Variants in SVEP1 observed in about 807,000 individuals in gnomAD.
SVEP1 encodes sushi, von Willebrand factor type A, EGF and pentraxin domain containing 1.
Under a neutral mutation model 367.3 loss-of-function variants are expected in SVEP1, and 164 were observed. That is an observed-to-expected ratio of 0.45 (90% CI 0.39 to 0.51). The LOEUF (loss-of-function observed/expected upper bound fraction) is 0.51. Among genes scored for constraint, SVEP1 ranks in the 20% least tolerant of loss-of-function variants. The pLI is 0.00. For missense variants in SVEP1, 4,117 were observed against 4,425.3 expected (o/e 0.93, Z 1.98); for synonymous variants, 1,666 against 1,611.6 (o/e 1.03, Z -0.81).
At chr9:110,443,417 G>C in intron 27 of SVEP1, 128 bp downstream of exon 27, 1 of 868,240 alleles carries the variant, frequency 1.2e-6, no homozygotes, top group East Asian at 3.2e-5. Context: ...CAGGGAGTAG[G>C]AAATAAGAGA....
At chr9:110,555,674 T>C (rs1830347653) in intron 1 of SVEP1, among the ~76,000 whole-genome samples, 1 of 152,158 alleles carries the variant, frequency 6.6e-6, no homozygotes, top group South Asian at 2.1e-4. Flanking sequence ...ATTACATCTG[T>C]TGGCAAGACA....
At chr9:110,492,465 T>C (rs1266172749) in intron 8 of SVEP1, among the ~76,000 whole-genome samples, 1 of 152,034 alleles carries the variant, frequency 6.6e-6, no homozygotes, top group African/African-American at 2.4e-5. Context: ...CCACAGATAA[T>C]TGGGTAATGA....
At chr9:110,492,138 G>T (rs1439847895) in intron 8 of SVEP1, among the ~76,000 whole-genome samples, 1 of 152,078 alleles carries the variant, frequency 6.6e-6, no homozygotes, top group Non-Finnish European at 1.5e-5. Flanking sequence ...TTTTCTGAAA[G>T]AATGGATTTT....
At position 110,573,138 on chromosome 9, in the gene SVEP1, C is replaced by T. The variant is rs560986626; in HGVS notation, c.531+5875G>A. On this transcript the variant is annotated intron_variant, in intron 1 of 47. Coordinates refer to ENST00000374469, the MANE Select transcript of SVEP1 (RefSeq NM_153366.4). ...AAACTACCCTCTGAGTGTGGAACAA[C>T]TGAGTCCACTGCAGATTACATAAGT... is the stretch of plus-strand genomic sequence containing the variant. Among the ~76,000 whole-genome samples the T allele has an allele frequency of 6.6e-5, 10 of 152,014 alleles. No individual in the cohort carries two copies. In the South Asian group the frequency reaches 2.1e-3, roughly 32 times the overall value.
chr9:110,514,140 T>C (rs1829764248), intron 3 of SVEP1, 34 bp from the exon 4 acceptor site: 3 of 1,596,788 alleles, frequency 1.9e-6, no homozygotes, highest in Non-Finnish European at 1.7e-6. Flanking sequence ...GTCCATGTTA[T>C]GTGGCACATC....
rs144559634 is a variant in SVEP1 at position 110,525,252 on chromosome 9, T to C, written c.965-11146A>G. 9.1e-4 allele frequency among the ~76,000 whole-genome samples: 139 copies of C among 152,256 alleles called. 1 individual carries two copies. Among genetic ancestry groups the C allele is most frequent in the African/African-American group, 3.0e-3 (125 of 41,564 alleles). On this transcript the variant is annotated intron_variant, in intron 3 of 47. Transcript: ENST00000374469. ...CCAAAACACTCCTAGAACAGGTAAG[T>C]TAAGCAAAGTTGCAGGACACAATGG...
At chr9:110,393,229 A>G (rs1010387370) in intron 40 of SVEP1, among the ~76,000 whole-genome samples, 2 of 152,182 alleles carry the variant, frequency 1.3e-5, no homozygotes, top group African/African-American at 4.8e-5. Context: ...GGTTTCAAAA[A>G]CAGGAAAACA....
Position 110,459,083 on chromosome 9 carries a change from G to T in SVEP1, c.3353C>A (p.Ser1118Tyr). The change falls in exon 19 of 48, where the codon TCT becomes TAT. Residue 1118 changes from serine (S) to tyrosine (Y), a missense_variant. Physicochemically the swap from Ser to Tyr is moderately radical, Grantham distance 144 (BLOSUM62 -2). Around this residue, in one of 4 missense-constraint regions of SVEP1, gnomAD observed 2,174 missense variants for 2,494.3 expected, o/e 0.87. Coordinates refer to ENST00000374469, the MANE Select transcript of SVEP1 (RefSeq NM_153366.4). ...ACATGGGTGACAGGGCATTAACCCA[G>T]AACGCGAGAATTTTCCTTCTGGACA... ...VPCPEGKFSR[S>Y]GLMPCHPCPR... 6.2e-7 allele frequency: 1 copy of T among 1,613,698 alleles called. No individual in the cohort carries two copies. Among genetic ancestry groups the T allele is most frequent in the South Asian group, 1.1e-5 (1 of 91,058 alleles).
chr9:110,439,109 T>C (rs993105724), intron 27 of SVEP1, among the ~76,000 whole-genome samples: 1 of 152,170 alleles, frequency 6.6e-6, no homozygotes, highest in Non-Finnish European at 1.5e-5. Flanking sequence ...AATTTATATG[T>C]TGAAGCCCTA....
chr9:110,399,206 G>T (rs905973898), intron 40 of SVEP1, among the ~76,000 whole-genome samples: 2 of 152,098 alleles, frequency 1.3e-5, no homozygotes, highest in African/African-American at 4.8e-5. Context: ...GGACATGGAT[G>T]AAACTAGAAA....
At chr9:110,528,066 T>C (rs765349400) in intron 3 of SVEP1, among the ~76,000 whole-genome samples, 1 of 110,480 alleles carries the variant, frequency 9.1e-6, no homozygotes, top group Admixed American at 1.1e-4. Flanking sequence ...TAGTATTCCA[T>C]GGTGTATGTA....
chr9:110,375,657 A>G (rs935911461), intron 45 of SVEP1, among the ~76,000 whole-genome samples, 194 bp from the exon 46 acceptor site: 4 of 152,184 alleles, frequency 2.6e-5, no homozygotes, highest in Non-Finnish European at 4.4e-5. Context: ...CAATCAGGAA[A>G]GTAAGCCTGG....
rs10980461 is a variant in SVEP1, at chr9:110,579,484, G to A, written c.60C>T (p.Thr20=). The A allele has an allele frequency of 5.1e-3, 8,206 of 1,605,024 alleles. 237 individuals carry two copies. The African/African-American group carries it at 0.066, about 13-fold the overall frequency. ...WGLALVSGWA[T]FQQMSPSRNF... ...TGCGCGACGGGGACATCTGCTGAAAGGTCGCCCAGCCCGAAACGAGCGCCA... is the reference window on the plus strand; with the variant it reads ...TGCGCGACGGGGACATCTGCTGAAAAGTCGCCCAGCCCGAAACGAGCGCCA... The change falls in exon 1 of 48, where the codon ACC becomes ACT. Residue 20 remains threonine, a synonymous_variant. Transcript: ENST00000374469. The surrounding 1 kb of genome is among the most constrained non-coding windows in gnomAD (Gnocchi z 5.3).
intron 39 of SVEP1, 71 bp from the exon 40 acceptor site, chr9:110,401,080 ATTGGT>A: frequency 1.9e-6 from 3 of 1,564,490 alleles, no homozygotes; most frequent in Non-Finnish European, 2.6e-6. Flanking sequence ...ATTTGCAAAT[ATTGGT>A]TATTTGCAGA....
intron 3 of SVEP1, among the ~76,000 whole-genome samples, chr9:110,519,037 A>G (rs544272377): frequency 2.0e-5 from 3 of 152,346 alleles, no homozygotes; most frequent in Non-Finnish European, 1.5e-5. Flanking sequence ...CTGCTTCAAG[A>G]TCAACTAGTG....
intron 5 of SVEP1, among the ~76,000 whole-genome samples, chr9:110,508,292 AT>A (rs34094977): frequency 0.16 from 23,726 of 149,504 alleles, 1,929 homozygotes; most frequent in African/African-American, 0.19. Context: ...GACTAATCAG[AT>A]TTTTTTTTTT....
rs761983701 is a variant in SVEP1 at position 110,466,026 on chromosome 9, G to A, written c.3161C>T (p.Ala1054Val). 19 of 1,610,158 alleles carry A rather than the reference G, an allele frequency of 1.2e-5. No individual in the cohort carries two copies. The Admixed American group carries it at 2.5e-4, about 21-fold the overall frequency. Residue 1054 changes from alanine to valine, a missense_variant and splice_region_variant, in exon 18 of 48, where the codon GCT (alanine) becomes GTT (valine). Transcript: ENST00000374469. ...IHSRNISDCK[A>V]QCKQGTYSYS... Reference sequence around the variant, plus strand: ...TGAGTAGGTGCCTTGTTTACACTGAGCTGAAAAGAAAAAGGTAATATTACT... The same window carrying A: ...TGAGTAGGTGCCTTGTTTACACTGAACTGAAAAGAAAAAGGTAATATTACT...
chr9:110,536,603 GC>G (rs1830082912), intron 3 of SVEP1, among the ~76,000 whole-genome samples: 1 of 151,872 alleles, frequency 6.6e-6, no homozygotes, highest in African/African-American at 2.4e-5. Flanking sequence ...AGGGTACATT[GC>G]CCCGAGGTGA....
chr9:110,375,916 G>C (rs1199427433), intron 45 of SVEP1, among the ~76,000 whole-genome samples: 1 of 152,178 alleles, frequency 6.6e-6, no homozygotes, highest in Non-Finnish European at 1.5e-5. Flanking sequence ...CATAGGGTTG[G>C]AGTTTGCAAC....
Sources: allele counts gnomAD v4.1 joint callset (sites outside exome capture counted in the v4.1 genomes callset), GRCh38; gene constraint gnomAD v4.1.1; regional missense constraint gnomAD v4.1.1; non-coding constraint Gnocchi (gnomAD v3.1); transcripts MANE v1.5; gene names NCBI Gene and HGNC (gene_info 2026-07-23, HGNC 2026-07-21).